Variants in LMO7 observed in about 807,000 individuals in gnomAD.
LMO7 encodes the protein LIM domain 7.
In LMO7, 120 loss-of-function variants were observed where a neutral mutation model predicts 206.5. The observed-to-expected ratio is 0.58, with a 90% CI of 0.50 to 0.68. The LOEUF is 0.68. Ranked by LOEUF, LMO7 falls within the 30% of genes least tolerant of loss-of-function variation. LMO7 has a pLI of 0.00. For synonymous variants in LMO7, 706 were observed against 681.5 expected, an observed-to-expected ratio of 1.04 and a Z score of -0.56; for missense variants, 1,959 against 1,957.9, an observed-to-expected ratio of 1.00 and a Z score of -0.01.
At position 75,640,848 on chromosome 13, in the gene LMO7, G is replaced by A. The variant is rs549228740; in HGVS notation, c.69+4122G>A. On this transcript the variant is annotated intron_variant, in intron 1 of 30. Coordinates refer to ENST00000377534, the MANE Select transcript of LMO7 (RefSeq NM_001306080.2). ...TTGGTTGGAACCTGCTACAGGATGT[G>A]TCTTCATCTGCATGCCAGTGTGTAC... 4.6e-5 allele frequency among the ~76,000 whole-genome samples: 7 copies of A among 152,318 alleles called. No homozygotes were observed. In the East Asian group the frequency reaches 1.4e-3, roughly 29 times the overall value.
chr13:75,726,992 C>G (rs1334646358), intron 2 of LMO7, 37 bp from the exon 3 acceptor site: 1 of 1,138,958 alleles, frequency 8.8e-7, no homozygotes, highest in African/African-American at 1.5e-5. Context: ...CTGATATTGG[C>G]ATCTTGTAAT....
intron 2 of LMO7, among the ~76,000 whole-genome samples, chr13:75,721,022 T>TA (rs1179838419): frequency 6.6e-6 from 1 of 152,186 alleles, no homozygotes; most frequent in Admixed American, 6.5e-5. Context: ...TAAAAGTTAT[T>TA]AATTTAAAAT....
intron 1 of LMO7, among the ~76,000 whole-genome samples, chr13:75,709,655 T>C (rs1401048789): frequency 2.0e-5 from 3 of 152,242 alleles, no homozygotes; most frequent in Non-Finnish European, 4.4e-5. Context: ...GTTTGTTTTT[T>C]TTCTTGTAGA....
Position 75,823,883 on chromosome 13 carries a change from GA to G in LMO7, c.2949+14del. On this transcript the variant is annotated intron_variant, in intron 15 of 30. Transcript: ENST00000377534. ...AGTCTCAAGATCCCAGGTGAGTTTG[GA>G]AAAGTTCTTTATCATCTGTGGCTCA... 6.2e-7 allele frequency: 1 copy of G among 1,609,676 alleles called. No homozygotes were observed. The highest frequency in any genetic ancestry group is 1.1e-5 in the South Asian group (1 of 90,880).
At chr13:75,694,210 T>A (rs992382930) in intron 1 of LMO7, among the ~76,000 whole-genome samples, 1 of 152,130 alleles carries the variant, frequency 6.6e-6, no homozygotes, top group African/African-American at 2.4e-5. Flanking sequence ...AGAAAATCCG[T>A]GTCACAGAAG....
intron 1 of LMO7, among the ~76,000 whole-genome samples, chr13:75,648,289 A>G (rs1386015229): frequency 6.6e-6 from 1 of 152,122 alleles, no homozygotes; most frequent in Admixed American, 6.5e-5. Flanking sequence ...TACTTGAATT[A>G]AAAGGTATTA....
At chr13:75,848,875 G>C (rs2060237622) in intron 26 of LMO7, 1 of 509,502 alleles carries the variant, frequency 2.0e-6, no homozygotes, top group Non-Finnish European at 3.5e-6. Flanking sequence ...ATTCCCACCA[G>C]CAGCGTAGGA....
At chr13:75,817,579 A>C (rs967115636) in intron 12 of LMO7, among the ~76,000 whole-genome samples, 104 of 152,096 alleles carry the variant, frequency 6.8e-4, no homozygotes, top group Non-Finnish European at 3.8e-4. Context: ...TTGGTGGTTG[A>C]ATTTGGGATA....
chr13:75,731,620 T>G (rs1003797326), intron 3 of LMO7, among the ~76,000 whole-genome samples: 1 of 152,040 alleles, frequency 6.6e-6, no homozygotes, highest in African/African-American at 2.4e-5. Flanking sequence ...GAGCATTTAG[T>G]CCATTTACAT....
chr13:75,856,668 G>A (rs2060987068), intron 30 of LMO7, 60 bp downstream of exon 30: 1 of 970,146 alleles, frequency 1.0e-6, no homozygotes, highest in South Asian at 1.3e-5. Context: ...GGGTTCCCAT[G>A]CATTTCCCTG....
chr13:75,840,513 G>A lies in LMO7; in HGVS notation c.3582+18G>A. 6.2e-7 allele frequency: 1 copy of A among 1,611,934 alleles called. No homozygotes were observed. The highest frequency in any genetic ancestry group is 8.5e-7 in the Non-Finnish European group (1 of 1,179,026). On this transcript the variant is annotated intron_variant, in intron 22 of 30. Coordinates refer to ENST00000377534, the MANE Select transcript of LMO7 (RefSeq NM_001306080.2). ...TACTGCAGGTAGCTCTGGCTCACGT[G>A]GACGGGTAGAAACTAGGTTGGATTT...
At chr13:75,708,972 GGT>G (rs1356961979) in intron 1 of LMO7, among the ~76,000 whole-genome samples, 1 of 148,276 alleles carries the variant, frequency 6.7e-6, no homozygotes, top group Non-Finnish European at 1.5e-5. Context: ...AACAGGCCCC[GGT>G]GTGTGATGTT....
intron 7 of LMO7, 136 bp downstream of exon 7, chr13:75,801,018 A>C (rs1006703847): frequency 2.7e-6 from 2 of 742,682 alleles, no homozygotes; most frequent in African/African-American, 3.5e-5. Flanking sequence ...ACTGGAGTAT[A>C]ATTGGGGGTT....
At chr13:75,842,355 A>G (rs2059618520) in intron 24 of LMO7, among the ~76,000 whole-genome samples, 1 of 152,088 alleles carries the variant, frequency 6.6e-6, no homozygotes, top group East Asian at 1.9e-4. Flanking sequence ...ATCTGCTTGG[A>G]GAAGTCATCA....
chr13:75,630,845 G>A (rs1317649893), intron 2 of LMO7, among the ~76,000 whole-genome samples: 1 of 152,056 alleles, frequency 6.6e-6, no homozygotes, highest in African/African-American at 2.4e-5. Context: ...TAGTAGAGAT[G>A]GAGTTTCGCC....
At chr13:75,717,235 C>T (rs1490656984) in intron 2 of LMO7, among the ~76,000 whole-genome samples, 12 of 151,690 alleles carry the variant, frequency 7.9e-5, no homozygotes, top group East Asian at 7.8e-4. Context: ...TGGTGGCGGG[C>T]GCCTGTAGTC....
At chr13:75,796,261 A>G (rs1463873559) in intron 5 of LMO7, among the ~76,000 whole-genome samples, 1 of 152,202 alleles carries the variant, frequency 6.6e-6, no homozygotes, top group Non-Finnish European at 1.5e-5. Context: ...CATCCTTATT[A>G]AGGAAGCTGA....
intron 1 of LMO7, among the ~76,000 whole-genome samples, chr13:75,663,570 A>G (rs766976196): frequency 1.3e-5 from 2 of 150,998 alleles, no homozygotes; most frequent in Non-Finnish European, 3.0e-5. Context: ...AGCTGGGAGT[A>G]CAGGCTCCCG....
At chr13:75,787,252 G>A (rs1401436669) in intron 4 of LMO7, among the ~76,000 whole-genome samples, 2 of 152,222 alleles carry the variant, frequency 1.3e-5, no homozygotes, top group Non-Finnish European at 2.9e-5. Context: ...CAGTTGTGAA[G>A]TTAGCTTTAC....
Sources: allele counts gnomAD v4.1 joint callset (sites outside exome capture counted in the v4.1 genomes callset), GRCh38; gene constraint gnomAD v4.1.1; transcripts MANE v1.5; gene names NCBI Gene and HGNC (gene_info 2026-07-23, HGNC 2026-07-21).